BTLA: variants seen among roughly 807,000 people sequenced by gnomAD.
BTLA encodes the protein B- and T-lymphocyte attenuator.
BTLA carries 11 observed loss-of-function variants against 25.0 expected under a neutral mutation model. That is an observed-to-expected ratio of 0.44 (90% confidence interval 0.28 to 0.73). The LOEUF (loss-of-function observed/expected upper bound fraction) is 0.73, where lower values mean the gene tolerates loss of function less well. BTLA is among the 30% of genes least tolerant of loss of function. The pLI, the probability that BTLA is intolerant of heterozygous loss-of-function variation, is 0.15. For missense variants in BTLA, 282 were observed against 332.8 expected, an observed-to-expected ratio of 0.85 and a Z score of 1.19; for synonymous variants, 104 against 119.8, an observed-to-expected ratio of 0.87 and a Z score of 0.86.
At chr3:112,483,758 A>G (rs1334570433) in intron 1 of BTLA, among the ~76,000 whole-genome samples, 1 of 152,034 alleles carries the variant, frequency 6.6e-6, no homozygotes, top group Admixed American at 6.5e-5. Context: ...ACCTGAGGTC[A>G]GGAGTTTAAG....
At chr3:112,482,942 G>A (rs1347566564) in intron 1 of BTLA, among the ~76,000 whole-genome samples, 2 of 152,138 alleles carry the variant, frequency 1.3e-5, no homozygotes, top group Non-Finnish European at 2.9e-5. Flanking sequence ...TCCTCTCCCT[G>A]AAGTTAATAG....
chr3:112,492,388 A>G (rs1302841132), intron 1 of BTLA, among the ~76,000 whole-genome samples: 1 of 152,244 alleles, frequency 6.6e-6, no homozygotes, highest in African/African-American at 2.4e-5. Context: ...GAAGAAACAT[A>G]GGGCAGCAAA....
Position 112,464,359 on chromosome 3 carries a change from A to G in BTLA, c.*1749T>C, listed in dbSNP as rs939235561. 1 of 384,938 alleles carries G rather than the reference A, an allele frequency of 2.6e-6. No individual in the cohort carries two copies. The highest frequency in any genetic ancestry group is 2.1e-5 in the African/African-American group (1 of 48,488). The allele number at this position is 384,938 out of a possible 1,614,324, so 23.8% of individuals were successfully genotyped here. On this transcript the variant is annotated 3_prime_UTR_variant, in exon 5 of 5. Transcript: ENST00000334529. Reference sequence around the variant, plus strand: ...TTCAATTTCGTGTGTTCATCTGATAAGAGGACAGCTAAATGTATCCTCCCC... The same window carrying G: ...TTCAATTTCGTGTGTTCATCTGATAGGAGGACAGCTAAATGTATCCTCCCC...
chr3:112,479,973 CTCTG>C (rs1213845220), intron 1 of BTLA, among the ~76,000 whole-genome samples: 2 of 151,802 alleles, frequency 1.3e-5, no homozygotes, highest in Non-Finnish European at 2.9e-5. Context: ...TCATTTAATC[CTCTG>C]TCTGTCAGGC....
At chr3:112,468,262 C>T (rs2082240935) in intron 4 of BTLA, among the ~76,000 whole-genome samples, 1 of 152,158 alleles carries the variant, frequency 6.6e-6, no homozygotes, top group Non-Finnish European at 1.5e-5. Flanking sequence ...CTCAAAGGAC[C>T]GTTTTGGATT....
rs534082316 is a variant in BTLA, at chr3:112,499,194, A to G, written c.88+77T>C. On this transcript the variant is annotated intron_variant, in intron 1 of 4. Coordinates refer to ENST00000334529, the MANE Select transcript of BTLA (RefSeq NM_181780.4). The stretch of plus-strand genomic sequence containing the variant: ...CTTCGTATAAACGTTACACCGTACT[A>G]AGTTCAGCAAGGGAGAATGTTGCCT... The G allele has an allele frequency of 5.8e-6, 6 of 1,036,270 alleles. No homozygotes were observed. In the East Asian group the frequency reaches 1.2e-4, roughly 20 times the overall value. 64.2% of individuals were successfully genotyped at this position (1,036,270 alleles called of 1,614,324 possible).
chr3:112,491,687 C>A (rs1049805290), intron 1 of BTLA, among the ~76,000 whole-genome samples: 1 of 152,060 alleles, frequency 6.6e-6, no homozygotes, highest in African/African-American at 2.4e-5. Context: ...ACATAAAGTA[C>A]CAGATATTAT....
intron 1 of BTLA, among the ~76,000 whole-genome samples, chr3:112,497,530 GT>G (rs1418076102): frequency 6.6e-6 from 1 of 152,182 alleles, no homozygotes; most frequent in Non-Finnish European, 1.5e-5. Flanking sequence ...TTCATAGAGA[GT>G]AGTTTATGTA....
In BTLA at chr3:112,465,195, T is replaced by G; in HGVS notation, c.*913A>C. ...AAGCAAATTGACCCCTACAGACCAA[T>G]TAAATATTCTGGGTTTTCCTCCATT... On this transcript the variant is annotated 3_prime_UTR_variant, in exon 5 of 5. Transcript: ENST00000334529. The G allele has an allele frequency of 6.6e-6, 1 of 152,638 alleles. No individual in the cohort carries two copies. The highest frequency in any genetic ancestry group is 1.9e-4 in the East Asian group (1 of 5,200). The allele number at this position is 152,638 out of a possible 1,614,324, so 9.5% of individuals were successfully genotyped here.
intron 2 of BTLA, among the ~76,000 whole-genome samples, chr3:112,473,730 T>C (rs1433307255): frequency 6.6e-6 from 1 of 151,742 alleles, no homozygotes; most frequent in Non-Finnish European, 1.5e-5. Flanking sequence ...TTCTCCTGCT[T>C]CAGCCTCCTG....
At chr3:112,498,543 G>A (rs538051992) in intron 1 of BTLA, among the ~76,000 whole-genome samples, 25 of 144,040 alleles carry the variant, frequency 1.7e-4, no homozygotes, top group Non-Finnish European at 2.4e-4. Flanking sequence ...GGTAGGAAGC[G>A]ACTTTACAAT....
At chr3:112,499,568 G>A (rs537829110), upstream of BTLA, 791 of 516,782 alleles carry the variant, frequency 1.5e-3, 3 homozygotes, top group Non-Finnish European at 2.4e-3. Flanking sequence ...AGACGATGTG[G>A]TACTCTGTTC....
Position 112,494,262 on chromosome 3 carries a change from T to C in BTLA, c.88+5009A>G, listed in dbSNP as rs141168545. Among the ~76,000 whole-genome samples the C allele has an allele frequency of 4.5e-4, 68 of 152,278 alleles. No individual in the cohort carries two copies. In the Middle Eastern group the frequency reaches 0.01, roughly 23 times the overall value. ...TATTAAAAAGTCAGGAAACAATAGG[T>C]GCTGGCAAGTCTGTGGAGAATTAGG... On this transcript the variant is annotated intron_variant, in intron 1 of 4. Coordinates refer to ENST00000334529, the MANE Select transcript of BTLA (RefSeq NM_181780.4).
chr3:112,466,505 T>A, intron 4 of BTLA, 122 bp from the exon 5 acceptor site: 1 of 860,212 alleles, frequency 1.2e-6, no homozygotes, highest in Non-Finnish European at 1.7e-6. Flanking sequence ...TAATCTACTG[T>A]TCCTCACATA....
chr3:112,473,500 G>A (rs2082273732), intron 2 of BTLA, among the ~76,000 whole-genome samples: 1 of 151,984 alleles, frequency 6.6e-6, no homozygotes, highest in Non-Finnish European at 1.5e-5. Context: ...CATTCAGCAG[G>A]TGCTCCAAAT....
At chr3:112,493,323 T>A (rs2082389794) in intron 1 of BTLA, among the ~76,000 whole-genome samples, 5 of 152,150 alleles carry the variant, frequency 3.3e-5, no homozygotes, top group Admixed American at 3.3e-4. Context: ...ACTGAAGAAC[T>A]TCTGCACAGC....
intron 2 of BTLA, among the ~76,000 whole-genome samples, chr3:112,477,000 C>T (rs2082292175): frequency 6.6e-6 from 1 of 152,156 alleles, no homozygotes; most frequent in African/African-American, 2.4e-5. Flanking sequence ...AATGTTGTAG[C>T]ATACATTAGT....
chr3:112,471,224 T>G lies in BTLA; in HGVS notation c.535A>C (p.Arg179=). Residue 179 remains arginine (R), a synonymous_variant, in exon 3 of 5, where the codon AGA becomes CGA. Transcript: ENST00000334529. ...TTCFCLFCCL[R]RHQGKQNELS... ...AAATAGAACCCACCTTGGTGCCTTC[T>G]CAGGCAGCAGAACAGGCAGAAACAG... 6.2e-7 allele frequency: 1 copy of G among 1,613,878 alleles called. No homozygotes were observed. Among genetic ancestry groups the G allele is most frequent in the South Asian group, 1.1e-5 (1 of 91,058 alleles).
intron 1 of BTLA, among the ~76,000 whole-genome samples, chr3:112,497,669 ATACT>A (rs1326824703): frequency 1.3e-5 from 2 of 152,106 alleles, no homozygotes; most frequent in African/African-American, 4.8e-5. Context: ...TTAATACTAG[ATACT>A]TACAAACATA....
Sources: allele counts gnomAD v4.1 joint callset (sites outside exome capture counted in the v4.1 genomes callset), GRCh38; gene constraint gnomAD v4.1.1; transcripts MANE v1.5; gene names NCBI Gene and HGNC (gene_info 2026-07-23, HGNC 2026-07-21).